Variants in AFAP1 observed in about 807,000 individuals in gnomAD.
The protein encoded by AFAP1 is actin filament-associated protein 1.
In AFAP1, 75 loss-of-function variants were observed where a neutral mutation model predicts 93.9. The observed-to-expected ratio is 0.80, with a 90% CI of 0.66 to 0.97. AFAP1 has a LOEUF of 0.97. Ranked by LOEUF, AFAP1 falls within the 50% of genes least tolerant of loss-of-function variation. The probability of loss-of-function intolerance (pLI) is 0.00; values close to 1 mark genes in which losing one functional copy is unlikely to be tolerated. For synonymous variants in AFAP1, 517 were observed against 430.7 expected (o/e 1.20, Z -2.48); for missense variants, 1,201 against 1,050.8 (o/e 1.14, Z -1.98).
intron 1 of AFAP1, among the ~76,000 whole-genome samples, chr4:7,900,619 C>G (rs1179514781): frequency 6.6e-6 from 1 of 152,212 alleles, no homozygotes; most frequent in Non-Finnish European, 1.5e-5. Flanking sequence ...ACCAAACTAC[C>G]TCTAACAATC....
At chr4:7,908,500 T>C (rs946863839) in intron 1 of AFAP1, among the ~76,000 whole-genome samples, 4 of 152,248 alleles carry the variant, frequency 2.6e-5, no homozygotes, top group African/African-American at 7.2e-5. Flanking sequence ...ATTGATTTAA[T>C]TGATTTAATA....
intron 16 of AFAP1, 35 bp from the exon 17 acceptor site, chr4:7,769,043 G>A (rs763840650): frequency 6.4e-7 from 1 of 1,550,646 alleles, no homozygotes; most frequent in South Asian, 1.2e-5. Context: ...GTGATGAGCG[G>A]TTTCTGGGCC....
chr4:7,868,797 G>A, intron 2 of AFAP1, 78 bp from the exon 3 acceptor site: 1 of 1,273,808 alleles, frequency 7.9e-7, no homozygotes, highest in Non-Finnish European at 1.1e-6. Context: ...ATCAGTTCCT[G>A]AACCCTGTGT....
intron 1 of AFAP1, among the ~76,000 whole-genome samples, chr4:7,921,099 C>T (rs1178076225): frequency 6.6e-6 from 1 of 151,392 alleles, no homozygotes; most frequent in Non-Finnish European, 1.5e-5. Flanking sequence ...CCTGAGTGAA[C>T]CACACATCCT....
intron 17 of AFAP1, among the ~76,000 whole-genome samples, chr4:7,767,719 C>T (rs887055111): frequency 2.0e-5 from 3 of 152,048 alleles, no homozygotes; most frequent in East Asian, 1.9e-4. Context: ...AGCAGGGGGG[C>T]GGCACTCATT....
chr4:7,788,533 A>T (rs1184960094), intron 11 of AFAP1: 3 of 152,274 alleles, frequency 2.0e-5, no homozygotes, highest in African/African-American at 7.2e-5. Flanking sequence ...AAAAATTAAT[A>T]TATGCTAAAC....
At chr4:7,882,233 C>A (rs564281850) in intron 1 of AFAP1, among the ~76,000 whole-genome samples, 12 of 151,696 alleles carry the variant, frequency 7.9e-5, no homozygotes, top group Non-Finnish European at 1.2e-4. Flanking sequence ...TAAGAAATTT[C>A]GTAAGAAAAA....
At chr4:7,816,854 T>C (rs1231917158) in intron 7 of AFAP1, among the ~76,000 whole-genome samples, 1 of 152,166 alleles carries the variant, frequency 6.6e-6, no homozygotes, top group Non-Finnish European at 1.5e-5. Flanking sequence ...AACATGTGTG[T>C]TCAACTCGGA....
intron 4 of AFAP1, among the ~76,000 whole-genome samples, chr4:7,847,141 A>G (rs1251257967): frequency 3.3e-5 from 5 of 152,234 alleles, no homozygotes; most frequent in Non-Finnish European, 7.3e-5. Context: ...CTCTCCAGAA[A>G]GTATGCTTAG....
intron 17 of AFAP1, among the ~76,000 whole-genome samples, chr4:7,766,999 G>A (rs141558584): frequency 6.6e-6 from 1 of 152,204 alleles, no homozygotes; most frequent in African/African-American, 2.4e-5. Flanking sequence ...AAAAAGGCGG[G>A]AGGCAGATGA....
chr4:7,821,932 C>T (rs968677843), intron 6 of AFAP1, among the ~76,000 whole-genome samples: 6 of 152,190 alleles, frequency 3.9e-5, no homozygotes, highest in Admixed American at 6.5e-5. Flanking sequence ...CCAGAGAGCT[C>T]GCTGTCATAT....
chr4:7,848,198 G>A (rs867886945), intron 4 of AFAP1, among the ~76,000 whole-genome samples: 3 of 73,230 alleles, frequency 4.1e-5, no homozygotes, highest in Non-Finnish European at 8.6e-5. Flanking sequence ...AGGAAGGAAG[G>A]AAGCAAGGGA....
chr4:7,814,584 C>G (rs146748291), intron 8 of AFAP1, among the ~76,000 whole-genome samples: 143 of 152,334 alleles, frequency 9.4e-4, no homozygotes, highest in African/African-American at 3.3e-3. Flanking sequence ...CCTCCAGCAG[C>G]AGCAAAGAAC....
intron 16 of AFAP1, 70 bp from the exon 17 acceptor site, chr4:7,769,078 G>A: frequency 6.8e-7 from 1 of 1,480,958 alleles, no homozygotes; most frequent in Non-Finnish European, 9.0e-7. Context: ...GCAGGAAAAT[G>A]ATTTATTTCA....
At chr4:7,904,489 G>A (rs1381900562) in intron 1 of AFAP1, among the ~76,000 whole-genome samples, 1 of 152,016 alleles carries the variant, frequency 6.6e-6, no homozygotes, top group African/African-American at 2.4e-5. Flanking sequence ...ATAACATTTA[G>A]TGTGCACTCA....
At chr4:7,784,077 T>C (rs909911524) in intron 12 of AFAP1, among the ~76,000 whole-genome samples, 3 of 41,166 alleles carry the variant, frequency 7.3e-5, no homozygotes, top group Non-Finnish European at 1.2e-4. Flanking sequence ...CCTGAGAGCC[T>C]GCCACAGGCT....
intron 16 of AFAP1, among the ~76,000 whole-genome samples, chr4:7,770,396 G>A (rs1203206908): frequency 6.6e-6 from 1 of 152,136 alleles, no homozygotes; most frequent in African/African-American, 2.4e-5. Context: ...GAATGCCGGG[G>A]GTCACCATGA....
intron 8 of AFAP1, among the ~76,000 whole-genome samples, chr4:7,812,773 C>T (rs546011062): frequency 2.4e-4 from 37 of 152,278 alleles, no homozygotes; most frequent in Middle Eastern, 6.8e-3. Flanking sequence ...CCGACGGAAA[C>T]GGGAATTCAG....
chr4:7,910,031 T>C (rs1215977454), intron 1 of AFAP1, among the ~76,000 whole-genome samples: 2 of 152,126 alleles, frequency 1.3e-5, no homozygotes, highest in African/African-American at 4.8e-5. Flanking sequence ...ACCAAATAAA[T>C]TGCCGGGTGA....
Sources: gnomAD v4.1 joint callset for allele counts (sites outside exome capture counted in the v4.1 genomes callset) on GRCh38, gnomAD v4.1.1 for gene constraint, MANE v1.5 for transcripts, NCBI Gene and HGNC (gene_info 2026-07-23, HGNC 2026-07-21) for gene names.